Variants in DPP6 observed in about 807,000 individuals in gnomAD.
DPP6 encodes the protein A-type potassium channel modulatory protein DPP6.
Under a neutral mutation model 122.6 loss-of-function variants are expected in DPP6, and 69 were observed. That is an observed-to-expected ratio of 0.56 (90% CI 0.46 to 0.69). The LOEUF (loss-of-function observed/expected upper bound fraction) is 0.69, where lower values mean the gene tolerates loss of function less well. DPP6 is among the 30% of genes least tolerant of loss of function. The probability of loss-of-function intolerance (pLI) is 0.00; values close to 1 mark genes in which losing one functional copy is unlikely to be tolerated. For missense variants in DPP6, 928 were observed against 1,116.9 expected, an observed-to-expected ratio of 0.83 and a Z score of 2.41; for synonymous variants, 418 against 433.1, an observed-to-expected ratio of 0.97 and a Z score of 0.43.
intron 1 of DPP6, among the ~76,000 whole-genome samples, chr7:154,343,409 G>A: frequency 6.6e-6 from 1 of 152,336 alleles, no homozygotes; most frequent in Middle Eastern, 3.4e-3. Flanking sequence ...ACTGACAGCT[G>A]CTGCGGTCTT....
At chr7:153,797,834 T>A in the DPP6 span, among the ~76,000 whole-genome samples, 14 of 148,326 alleles carry the variant, frequency 9.4e-5, no homozygotes, top group South Asian at 2.3e-3. Context: ...TCCCTCCATC[T>A]TCTTCTTCTT....
At chr7:154,296,614 A>G (rs1805558510) in intron 1 of DPP6, among the ~76,000 whole-genome samples, 1 of 152,192 alleles carries the variant, frequency 6.6e-6, no homozygotes, top group African/African-American at 2.4e-5. Flanking sequence ...AAGGTTTATG[A>G]CGAGTAAGGG....
rs576805992 is a variant in DPP6, at chr7:154,112,415, C to T, written c.243+59352C>T. 1.4e-4 allele frequency among the ~76,000 whole-genome samples: 21 copies of T among 152,022 alleles called. No homozygotes were observed. The East Asian group carries it at 2.9e-3, about 21-fold the overall frequency. ...ATCCCAGTATTTTGGGAGGCTGAGG[C>T]GGGTGGATCATTTGAGGCCAGAAGT... is the stretch of plus-strand genomic sequence containing the variant. On this transcript the variant is annotated intron_variant, in intron 1 of 25. Transcript: ENST00000377770.
chr7:154,377,782 C>T (rs748703445), intron 1 of DPP6, among the ~76,000 whole-genome samples: 9 of 152,196 alleles, frequency 5.9e-5, no homozygotes, highest in Non-Finnish European at 1.3e-4. Context: ...TACCCAGCCT[C>T]AGTTAGCTCT....
At chr7:154,697,246 C>T (rs1216353818) in intron 7 of DPP6, among the ~76,000 whole-genome samples, 1 of 152,210 alleles carries the variant, frequency 6.6e-6, no homozygotes, top group African/African-American at 2.4e-5. Context: ...ACTTGCCTGA[C>T]TCCACAGCAG....
At chr7:154,009,541 A>G (rs1267446891) in intron 1 of DPP6, among the ~76,000 whole-genome samples, 1 of 151,770 alleles carries the variant, frequency 6.6e-6, no homozygotes, top group African/African-American at 2.4e-5. Context: ...TCTCCTGCTA[A>G]TGAGATGGAA....
At chr7:154,825,417 GC>G (rs1221553757) in intron 16 of DPP6, among the ~76,000 whole-genome samples, 8 of 152,196 alleles carry the variant, frequency 5.3e-5, no homozygotes, top group Non-Finnish European at 1.2e-4. Context: ...TCCCACTTCA[GC>G]ACGCATAAAT....
chr7:154,413,397 C>G (rs286851), intron 1 of DPP6, among the ~76,000 whole-genome samples: 22,544 of 152,126 alleles, frequency 0.15, 1,697 homozygotes, highest in South Asian at 0.17. Flanking sequence ...GTAATTTGTG[C>G]TGAATCAAAA....
intron 1 of DPP6, among the ~76,000 whole-genome samples, chr7:154,074,132 T>TAGAG (rs774836504): frequency 8.4e-6 from 1 of 119,678 alleles, no homozygotes; most frequent in Non-Finnish European, 1.9e-5. Context: ...GATATCTATA[T>TAGAG]ATATCTCTCT....
rs796798929 is a variant in DPP6, at chr7:154,241,219, G to GTA, written c.243+188167_243+188168dup. 1.3e-4 allele frequency among the ~76,000 whole-genome samples: 18 copies of GTA among 142,870 alleles called. No homozygotes were observed. The highest frequency in any genetic ancestry group is 3.7e-4 in the African/African-American group (13 of 34,682). 93.7% of individuals were successfully genotyped at this position (142,870 alleles called of 152,430 possible). On this transcript the variant is annotated intron_variant, in intron 1 of 25. Coordinates refer to ENST00000377770, the MANE Select transcript of DPP6 (RefSeq NM_130797.4). The surrounding 1 kb of genome is among the most constrained non-coding windows in gnomAD (Gnocchi z 9.0). ...TGTGTGTGTGTGTGTGTGTGTGTGT[G>GTA]TATATATATATAGAGAGAGAGAGAG...
chr7:154,496,541 G>A lies in DPP6; in HGVS notation c.457+21504G>A, dbSNP rs980599023. On this transcript the variant is annotated intron_variant, in intron 3 of 25. Transcript: ENST00000377770. ...TCCCTGAGCACAATGAATGGCATGC[G>A]CCCGTGGCTAGACCCCACAAGAAAG... Among the ~76,000 whole-genome samples, 7 of 152,238 alleles carry A rather than the reference G, an allele frequency of 4.6e-5. No homozygotes were observed. The East Asian group carries it at 9.6e-4, about 21-fold the overall frequency.
intron 4 of DPP6, among the ~76,000 whole-genome samples, chr7:154,555,505 T>A (rs113955189): frequency 9.9e-5 from 15 of 152,176 alleles, no homozygotes; most frequent in African/African-American, 3.4e-4. Flanking sequence ...TTAGGAGATA[T>A]ACCTAATGCT....
At chr7:154,519,157 A>C (rs558435804) in intron 3 of DPP6, among the ~76,000 whole-genome samples, 1 of 152,330 alleles carries the variant, frequency 6.6e-6, no homozygotes, top group East Asian at 1.9e-4. Context: ...ATACTGGCAA[A>C]GTCTTTATGG....
At chr7:154,054,346 G>C (rs1173684272) in intron 1 of DPP6, among the ~76,000 whole-genome samples, 1 of 152,112 alleles carries the variant, frequency 6.6e-6, no homozygotes, top group Non-Finnish European at 1.5e-5. Context: ...TGATTTCCCA[G>C]GGACAATTCC....
At position 154,481,586 on chromosome 7, in the gene DPP6, G is replaced by C. The variant is rs536718939; in HGVS notation, c.457+6549G>C. 6.6e-6 allele frequency among the ~76,000 whole-genome samples: 1 copy of C among 150,854 alleles called. No homozygotes were observed. The highest frequency in any genetic ancestry group is 2.4e-5 in the African/African-American group (1 of 40,930). ...TGTTTACTCTCCTGACTCATCATTGGCCATCTCCCCAGTTTTCTCTTAAAC... is the reference window on the plus strand; with the variant it reads ...TGTTTACTCTCCTGACTCATCATTGCCCATCTCCCCAGTTTTCTCTTAAAC... On this transcript the variant is annotated intron_variant, in intron 3 of 25. Coordinates refer to ENST00000377770, the MANE Select transcript of DPP6 (RefSeq NM_130797.4). This position sits in a 1 kb window ranked among gnomAD's most constrained non-coding sequence, Gnocchi z 4.2.
At chr7:154,104,385 A>G (rs1805987266) in intron 1 of DPP6, among the ~76,000 whole-genome samples, 1 of 152,228 alleles carries the variant, frequency 6.6e-6, no homozygotes, top group African/African-American at 2.4e-5. Context: ...TGTATGATAT[A>G]TGGCTGGGGA....
intron 8 of DPP6, among the ~76,000 whole-genome samples, chr7:154,754,240 C>G (rs1843547162): frequency 6.6e-6 from 1 of 152,108 alleles, no homozygotes; most frequent in South Asian, 2.1e-4. Context: ...AAATTCTTTC[C>G]ATCATTTAAT....
At chr7:154,084,755 C>T (rs1280331406) in intron 1 of DPP6, among the ~76,000 whole-genome samples, 9 of 145,942 alleles carry the variant, frequency 6.2e-5, no homozygotes, top group African/African-American at 2.0e-4. Context: ...TTTGGGAGGC[C>T]GAGGCGGGAG....
chr7:154,266,596 G>A (rs1306700501), intron 1 of DPP6, among the ~76,000 whole-genome samples: 1 of 152,134 alleles, frequency 6.6e-6, no homozygotes, highest in Non-Finnish European at 1.5e-5. Context: ...GGACAAAGAA[G>A]AATATTTGTT....
Sources: gnomAD v4.1 joint callset for allele counts (sites outside exome capture counted in the v4.1 genomes callset) on GRCh38, gnomAD v4.1.1 for gene constraint, Gnocchi (gnomAD v3.1) non-coding constraint, MANE v1.5 for transcripts, NCBI Gene and HGNC (gene_info 2026-07-23, HGNC 2026-07-21) for gene names.